Variants in SGCZ observed in about 807,000 individuals in gnomAD.
The protein encoded by SGCZ is sarcoglycan zeta.
In SGCZ, 40 loss-of-function variants were observed where a neutral mutation model predicts 41.3. That is an observed-to-expected ratio of 0.97 (90% CI 0.75 to 1.26). SGCZ has a LOEUF of 1.26. Ranked by LOEUF, SGCZ falls within the 50% of genes most tolerant of loss-of-function variation. The pLI, the probability that SGCZ is intolerant of heterozygous loss-of-function variation, is 0.00. For missense variants in SGCZ, 552 were observed against 369.8 expected (o/e 1.49, Z -4.04); for synonymous variants, 206 against 137.5 (o/e 1.50, Z -3.49).
At chr8:14,119,995 C>T (rs538395397) in intron 5 of SGCZ, among the ~76,000 whole-genome samples, 2 of 152,098 alleles carry the variant, frequency 1.3e-5, no homozygotes, top group Admixed American at 6.6e-5. Flanking sequence ...TGCATCGATG[C>T]TCATCAGGGA....
chr8:14,706,555 G>C (rs1809338114), intron 1 of SGCZ, among the ~76,000 whole-genome samples: 2 of 152,152 alleles, frequency 1.3e-5, no homozygotes, highest in South Asian at 2.1e-4. Context: ...TAGGACATTA[G>C]AGTTTATCAA....
chr8:14,091,016 G>A (rs981142312), intron 7 of SGCZ, among the ~76,000 whole-genome samples: 1 of 151,956 alleles, frequency 6.6e-6, no homozygotes, highest in Non-Finnish European at 1.5e-5. Context: ...GCCCGGATGT[G>A]TGATGTTCCC....
chr8:14,768,022 T>C (rs1466880722), intron 1 of SGCZ, among the ~76,000 whole-genome samples: 1 of 152,166 alleles, frequency 6.6e-6, no homozygotes, highest in Non-Finnish European at 1.5e-5. Flanking sequence ...TTCTCACACA[T>C]CTTGTTGTTT....
chr8:14,709,337 CCCACCT>C (rs1156993647), intron 1 of SGCZ, among the ~76,000 whole-genome samples: 2 of 152,050 alleles, frequency 1.3e-5, no homozygotes, highest in East Asian at 1.9e-4. Flanking sequence ...AGCTACATGC[CCCACCT>C]CATTACTTCA....
intron 4 of SGCZ, among the ~76,000 whole-genome samples, chr8:14,235,957 A>G (rs1434970249): frequency 1.3e-5 from 2 of 152,206 alleles, no homozygotes; most frequent in African/African-American, 2.4e-5. Context: ...CGCTGGGATT[A>G]CAGGCATGAG....
chr8:15,178,684 C>A (rs1800070822), intron 1 of SGCZ, among the ~76,000 whole-genome samples: 1 of 152,136 alleles, frequency 6.6e-6, no homozygotes, highest in Non-Finnish European at 1.5e-5. Flanking sequence ...CATATTGGAG[C>A]TATAATCAAA....
At chr8:15,147,099 T>C (rs1585611958) in intron 1 of SGCZ, among the ~76,000 whole-genome samples, 1 of 152,152 alleles carries the variant, frequency 6.6e-6, no homozygotes, top group South Asian at 2.1e-4. Flanking sequence ...ATTGAAAATA[T>C]TAATTTATTG....
intron 1 of SGCZ, among the ~76,000 whole-genome samples, chr8:15,229,402 C>T (rs1205744263): frequency 6.6e-6 from 1 of 152,072 alleles, no homozygotes; most frequent in Non-Finnish European, 1.5e-5. Flanking sequence ...ATTAAAGATA[C>T]AGGTATTTGT....
intron 1 of SGCZ, among the ~76,000 whole-genome samples, chr8:15,018,879 G>T (rs961929385): frequency 2.0e-5 from 3 of 152,192 alleles, no homozygotes; most frequent in Non-Finnish European, 4.4e-5. Flanking sequence ...TACAATCATG[G>T]TGGAAGGCGG....
chr8:14,168,076 G>T lies in SGCZ; in HGVS notation c.425-3374C>A, dbSNP rs77123919. Reference sequence around the variant, plus strand: ...AGTGTGTCTTCCTCAAACTTGTCATGATCATCCTTTCTTTTCTATATAACT... The same window carrying T: ...AGTGTGTCTTCCTCAAACTTGTCATTATCATCCTTTCTTTTCTATATAACT... On this transcript the variant is annotated intron_variant, in intron 4 of 7. Coordinates refer to ENST00000382080, the MANE Select transcript of SGCZ (RefSeq NM_139167.4). 5.3e-4 allele frequency among the ~76,000 whole-genome samples: 81 copies of T among 152,218 alleles called. 4 individuals carry two copies. In the East Asian group the frequency reaches 0.015, roughly 28 times the overall value.
intron 3 of SGCZ, among the ~76,000 whole-genome samples, chr8:14,254,643 T>G (rs897817178): frequency 3.3e-5 from 5 of 152,226 alleles, no homozygotes; most frequent in African/African-American, 1.2e-4. Context: ...TTAAGAACAT[T>G]AACAAGATAA....
intron 4 of SGCZ, among the ~76,000 whole-genome samples, chr8:14,209,246 C>T (rs1241214383): frequency 6.6e-6 from 1 of 152,220 alleles, no homozygotes; most frequent in African/African-American, 2.4e-5. Context: ...ACAGCCTCTT[C>T]AAACCTGCCT....
intron 1 of SGCZ, among the ~76,000 whole-genome samples, chr8:14,697,367 G>A (rs536742684): frequency 5.9e-5 from 9 of 152,046 alleles, no homozygotes; most frequent in Non-Finnish European, 1.0e-4. Flanking sequence ...GGGATTAAAT[G>A]AAACAATTCA....
chr8:15,220,723 T>C (rs1458977953), intron 1 of SGCZ, among the ~76,000 whole-genome samples: 3 of 152,158 alleles, frequency 2.0e-5, no homozygotes, highest in African/African-American at 4.8e-5. Context: ...CGTACGTTTA[T>C]TGCAGCACTA....
intron 1 of SGCZ, among the ~76,000 whole-genome samples, chr8:15,015,365 CTG>C (rs1483377273): frequency 6.6e-6 from 1 of 152,098 alleles, no homozygotes; most frequent in Non-Finnish European, 1.5e-5. Flanking sequence ...CTGAAAAACA[CTG>C]TAAAATAAGA....
At chr8:14,582,452 TG>T (rs982779703) in intron 1 of SGCZ, among the ~76,000 whole-genome samples, 22 of 152,236 alleles carry the variant, frequency 1.4e-4, no homozygotes, top group African/African-American at 4.6e-4. Context: ...TCATGTATTT[TG>T]GGGGGAGCTT....
Position 14,085,954 on chromosome 8 carries a change from CA to C in SGCZ, c.*4488del, listed in dbSNP as rs1374856799. Among the ~76,000 whole-genome samples the C allele has an allele frequency of 3.3e-5, 5 of 151,676 alleles. No individual in the cohort carries two copies. The highest frequency in any genetic ancestry group is 1.3e-4 in the Admixed American group (2 of 15,168). On this transcript the variant is annotated 3_prime_UTR_variant, in exon 8 of 8. Transcript: ENST00000382080. ...TGACATTTAAACAACTAATAAATTT[CA>C]GTATAAAACAACATGAATAACAGTG...
intron 1 of SGCZ, among the ~76,000 whole-genome samples, chr8:15,207,185 T>C (rs962756497): frequency 2.6e-5 from 4 of 152,148 alleles, no homozygotes; most frequent in African/African-American, 9.7e-5. Flanking sequence ...AAGCTGTTTT[T>C]TTCCAGACAC....
chr8:14,246,803 G>A (rs1376723892), intron 3 of SGCZ, among the ~76,000 whole-genome samples: 4 of 149,848 alleles, frequency 2.7e-5, no homozygotes, highest in East Asian at 2.0e-4. Context: ...CCAGCTACTC[G>A]GGAGGCTGAG....
Sources: allele counts gnomAD v4.1 joint callset (sites outside exome capture counted in the v4.1 genomes callset), GRCh38; gene constraint gnomAD v4.1.1; transcripts MANE v1.5; gene names NCBI Gene and HGNC (gene_info 2026-07-23, HGNC 2026-07-21).